Variants in GRP observed in about 807,000 individuals in gnomAD.
The protein encoded by GRP is gastrin-releasing peptide.
In GRP, 11 loss-of-function variants were observed where a neutral mutation model predicts 12.7. That is an observed-to-expected ratio of 0.87 (90% CI 0.55 to 1.44). The LOEUF (loss-of-function observed/expected upper bound fraction) is 1.44, where lower values mean the gene tolerates loss of function less well. Among genes scored for constraint, GRP ranks in the 40% most tolerant of loss-of-function variants. The pLI is 0.00. For synonymous variants in GRP, 84 were observed against 77.7 expected (o/e 1.08, Z -0.43); for missense variants, 212 against 185.4 (o/e 1.14, Z -0.83).
upstream of GRP, among the ~76,000 whole-genome samples, chr18:59,219,467 G>T: frequency 1.0e-5 from 1 of 95,744 alleles, no homozygotes; most frequent in African/African-American, 4.3e-5. Flanking sequence ...AAGAGAGAAG[G>T]GGAGTGGAGG....
At position 59,220,381 on chromosome 18, in the gene GRP, C is replaced by T. The variant is rs759404766; in HGVS notation, c.116C>T (p.Pro39Leu). The part of the protein sequence containing the change: ...GGGTVLTKMY[P>L]RGNHWAVGHL... ...GGGACCGTGCTGACCAAGATGTACC[C>T]GCGCGGCAACCACTGGGCGGTGGGT... is the stretch of plus-strand genomic sequence containing the variant. The change falls in exon 1 of 3, where the codon CCG (proline) becomes CTG (leucine). Residue 39 changes from proline to leucine, a missense_variant. By Grantham distance (98) the Pro-to-Leu change is moderately conservative. Transcript: ENST00000256857. The T allele has an allele frequency of 2.1e-6, 3 of 1,420,358 alleles. No homozygotes were observed. Among genetic ancestry groups the T allele is most frequent in the African/African-American group, 3.0e-5 (2 of 66,932 alleles). 88.0% of individuals were successfully genotyped at this position (1,420,358 alleles called of 1,614,324 possible).
upstream of GRP, among the ~76,000 whole-genome samples, chr18:59,219,472 T>TGGAGGGGAGG (rs1353427196): frequency 3.4e-5 from 1 of 29,588 alleles, no homozygotes; most frequent in East Asian, 1.2e-3. Flanking sequence ...AGAAGGGGAG[T>TGGAGGGGAGG]GGAGGGGAGG....
chr18:59,224,640 T>G (rs951348261), intron 1 of GRP, among the ~76,000 whole-genome samples: 1 of 152,216 alleles, frequency 6.6e-6, no homozygotes, highest in Non-Finnish European at 1.5e-5. Context: ...AATGCAGACC[T>G]TGAATTCTGT....
At chr18:59,221,474 C>T (rs1030829776) in intron 1 of GRP, among the ~76,000 whole-genome samples, 1 of 152,182 alleles carries the variant, frequency 6.6e-6, no homozygotes, top group Non-Finnish European at 1.5e-5. Context: ...TCCTCACTCC[C>T]CCACCTACCC....
intron 2 of GRP, among the ~76,000 whole-genome samples, chr18:59,227,069 T>TTTCTTCCTTTCTTTC (rs1568085087): frequency 1.9e-5 from 2 of 107,124 alleles, no homozygotes; most frequent in African/African-American, 3.8e-5. Context: ...TTCTTTCTTT[T>TTTCTTCCTTTCTTTC]CTTTCCTTTC....
intron 2 of GRP, 135 bp downstream of exon 2, chr18:59,225,869 T>A: frequency 1.5e-6 from 1 of 689,022 alleles, no homozygotes; most frequent in South Asian, 2.2e-5. Context: ...TAACACATGC[T>A]AAGCACATTG....
Position 59,222,941 on chromosome 18 carries a change from C to T in GRP, c.139+2537C>T, listed in dbSNP as rs967759146. 2.0e-5 allele frequency among the ~76,000 whole-genome samples: 3 copies of T among 152,272 alleles called. No homozygotes were observed. The East Asian group carries it at 5.8e-4, about 29-fold the overall frequency. ...CTCCTAACTGTGGTTCTAACTTGGACGTGAGACATATCCCAGAAGGTTGAA... is the reference window on the plus strand; with the variant it reads ...CTCCTAACTGTGGTTCTAACTTGGATGTGAGACATATCCCAGAAGGTTGAA... On this transcript the variant is annotated intron_variant, in intron 1 of 2. Coordinates refer to ENST00000256857, the MANE Select transcript of GRP (RefSeq NM_002091.5).
At chr18:59,221,591 G>C (rs879557555) in intron 1 of GRP, among the ~76,000 whole-genome samples, 13 of 142,936 alleles carry the variant, frequency 9.1e-5, no homozygotes, top group Non-Finnish European at 1.8e-4. Context: ...GTGTGTGTGT[G>C]TCTCTGTGTG....
At chr18:59,221,563 GTATGTGTGTGTGTCTC>G (rs1181317388) in intron 1 of GRP, among the ~76,000 whole-genome samples, 1 of 150,208 alleles carries the variant, frequency 6.7e-6, no homozygotes, top group African/African-American at 2.5e-5. Flanking sequence ...TTAAGAGTGT[GTATGTGTGTGTGTCTC>G]TGTGTGTGTG....
In GRP at chr18:59,225,490, A is replaced by C; in HGVS notation, c.140-2A>C. ...TGAGTGTTTTTGTTTTTGTTTTTAC[A>C]GGGCACTTAATGGGGAAAAAGAGCA... is the stretch of plus-strand genomic sequence containing the variant. On this transcript the variant is annotated splice_acceptor_variant, in intron 1 of 2. Transcript: ENST00000256857. LOFTEE classifies it high-confidence loss of function. 6.2e-7 allele frequency: 1 copy of C among 1,601,492 alleles called. No homozygotes were observed. Among genetic ancestry groups the C allele is most frequent in the African/African-American group, 1.3e-5 (1 of 74,194 alleles).
chr18:59,230,632 G>T lies in GRP; in HGVS notation c.*164G>T. On this transcript the variant is annotated 3_prime_UTR_variant, in exon 3 of 3. Transcript: ENST00000256857. ...TCGTGATTTTCAAGCAGCATCTTCT[G>T]GTTTAAACTTGTTTGCTGTGAACAA... The T allele has an allele frequency of 1.7e-6, 1 of 590,666 alleles. No individual in the cohort carries two copies. The highest frequency in any genetic ancestry group is 3.0e-6 in the Non-Finnish European group (1 of 328,468). 36.6% of individuals were successfully genotyped at this position (590,666 alleles called of 1,614,324 possible).
At chr18:59,226,997 CT>C (rs1568084811) in intron 2 of GRP, among the ~76,000 whole-genome samples, 11 of 37,548 alleles carry the variant, frequency 2.9e-4, no homozygotes, top group Non-Finnish European at 5.8e-4. Context: ...TTCTTCCTTT[CT>C]TTCTTTCTTT....
At chr18:59,226,840 A>T (rs2069928958) in intron 2 of GRP, among the ~76,000 whole-genome samples, 1 of 152,328 alleles carries the variant, frequency 6.6e-6, no homozygotes, top group Non-Finnish European at 1.5e-5. Flanking sequence ...AGGGGCTCAG[A>T]GCTGCCTTTG....
At chr18:59,223,436 C>G (rs2069866850) in intron 1 of GRP, among the ~76,000 whole-genome samples, 1 of 152,192 alleles carries the variant, frequency 6.6e-6, no homozygotes, top group Middle Eastern at 3.2e-3. Flanking sequence ...GAACTGATCC[C>G]CACACATTCC....
chr18:59,230,564 G>A lies in GRP; in HGVS notation c.*96G>A. The A allele has an allele frequency of 1.3e-6, 1 of 766,286 alleles. No individual in the cohort carries two copies. 47.5% of individuals were successfully genotyped at this position (766,286 alleles called of 1,614,324 possible). A position where few individuals can be genotyped will look rare whatever the true frequency, so the allele number is the denominator to read the frequency against. ...CGGATCATCAACAAGATTTCCTTGT[G>A]CAAAATATTTGACTATTCTGTATCT... On this transcript the variant is annotated 3_prime_UTR_variant, in exon 3 of 3. Transcript: ENST00000256857.
Position 59,220,326 on chromosome 18 carries a change from G to A in GRP, c.61G>A (p.Gly21Arg). Residue 21 changes from glycine (G) to arginine (R), a missense_variant, in exon 1 of 3, where the codon GGG becomes AGG. Gly to Arg is a moderately radical substitution (Grantham distance 125). Coordinates refer to ENST00000256857, the MANE Select transcript of GRP (RefSeq NM_002091.5). ...GCTGGTCCTCTGCCTGGCGCCCCGG[G>A]GGCGAGCGGTCCCGCTGCCTGCGGG... ...LALVLCLAPR[G>R]RAVPLPAGGG... 1 of 1,498,158 alleles carries A rather than the reference G, an allele frequency of 6.7e-7. No homozygotes were observed. 92.8% of individuals were successfully genotyped at this position (1,498,158 alleles called of 1,614,324 possible).
At chr18:59,230,184 T>A (rs555557268) in intron 2 of GRP, among the ~76,000 whole-genome samples, 1 of 152,294 alleles carries the variant, frequency 6.6e-6, no homozygotes, top group African/African-American at 2.4e-5. Flanking sequence ...GCTCTGGTTC[T>A]CAAATTTTAC....
chr18:59,220,381 C>G lies in GRP; in HGVS notation c.116C>G (p.Pro39Arg), dbSNP rs759404766. 5 of 1,420,476 alleles carry G rather than the reference C, an allele frequency of 3.5e-6. No individual in the cohort carries two copies. The highest frequency in any genetic ancestry group is 1.5e-5 in the South Asian group (1 of 67,280). 88.0% of individuals were successfully genotyped at this position (1,420,476 alleles called of 1,614,324 possible). ...GGGTVLTKMYPRGNHWAVGHL... is the reference protein window; with the variant it reads ...GGGTVLTKMYRRGNHWAVGHL... ...GGGACCGTGCTGACCAAGATGTACC[C>G]GCGCGGCAACCACTGGGCGGTGGGT... is the stretch of plus-strand genomic sequence containing the variant. The change falls in exon 1 of 3, where the codon CCG (proline) becomes CGG (arginine). Residue 39 changes from proline (P) to arginine (R), a missense_variant. Coordinates refer to ENST00000256857, the MANE Select transcript of GRP (RefSeq NM_002091.5).
chr18:59,226,181 T>G (rs2144106692), intron 2 of GRP, among the ~76,000 whole-genome samples: 1 of 152,332 alleles, frequency 6.6e-6, no homozygotes, highest in East Asian at 1.9e-4. Flanking sequence ...CTTCTTCATA[T>G]TTGTTCCAGG....
Sources: gnomAD v4.1 joint callset for allele counts (sites outside exome capture counted in the v4.1 genomes callset) on GRCh38, gnomAD v4.1.1 for gene constraint, MANE v1.5 for transcripts, NCBI Gene and HGNC (gene_info 2026-07-23, HGNC 2026-07-21) for gene names.